The following KCTD8 variants were observed in gnomAD, a reference collection of about 807,000 sequenced individuals.
KCTD8 encodes BTB/POZ domain-containing protein KCTD8.
Under a neutral mutation model 31.5 loss-of-function variants are expected in KCTD8, and 27 were observed. The observed-to-expected ratio is 0.86, with a 90% CI of 0.63 to 1.18. KCTD8 has a LOEUF of 1.18. KCTD8 is among the 50% of genes most tolerant of loss of function. The pLI, the probability that KCTD8 is intolerant of heterozygous loss-of-function variation, is 0.00. For synonymous variants in KCTD8, 290 were observed against 280.0 expected (o/e 1.04, Z -0.36); for missense variants, 658 against 647.7 (o/e 1.02, Z -0.17).
rs553727105 is a variant in KCTD8, at chr4:44,262,157, C to T, written c.962-86907G>A. 3.9e-5 allele frequency among the ~76,000 whole-genome samples: 6 copies of T among 152,068 alleles called. No individual in the cohort carries two copies. The South Asian group carries it at 8.3e-4, about 21-fold the overall frequency. The stretch of plus-strand genomic sequence containing the variant: ...CAAGATTAACATATGAACAATTATC[C>T]ACTGGGTTTCACAATAAGAAAGTCA... On this transcript the variant is annotated intron_variant, in intron 1 of 1. Transcript: ENST00000360029.
chr4:44,212,749 A>G (rs1412602641), intron 1 of KCTD8, among the ~76,000 whole-genome samples: 1 of 152,188 alleles, frequency 6.6e-6, no homozygotes, highest in African/African-American at 2.4e-5. Flanking sequence ...TCTAGTAAAC[A>G]TTGTTTAGTT....
At chr4:44,436,590 T>C (rs1399152995) in intron 1 of KCTD8, among the ~76,000 whole-genome samples, 1 of 152,148 alleles carries the variant, frequency 6.6e-6, no homozygotes, top group Admixed American at 6.6e-5. Flanking sequence ...ATAGTGGTTA[T>C]GTTTTTAAAT....
Position 44,268,522 on chromosome 4 carries a change from C to T in KCTD8, c.962-93272G>A, listed in dbSNP as rs866480119. On this transcript the variant is annotated intron_variant, in intron 1 of 1. Transcript: ENST00000360029. ...CCTCTCTCACCACTCCTATTCAACA[C>T]AGTATTGGAAGTTCTGGCCAGGGCA... 9.2e-3 allele frequency among the ~76,000 whole-genome samples: 1,404 copies of T among 152,110 alleles called. 26 individuals carry two copies. The highest frequency in any genetic ancestry group is 0.032 in the African/African-American group (1,330 of 41,458).
chr4:44,263,108 G>A (rs969291708), intron 1 of KCTD8, among the ~76,000 whole-genome samples: 1 of 152,004 alleles, frequency 6.6e-6, no homozygotes, highest in African/African-American at 2.4e-5. Context: ...CTCTCCCACT[G>A]CAGCAACGGA....
intron 1 of KCTD8, among the ~76,000 whole-genome samples, chr4:44,319,044 T>A (rs1325624278): frequency 6.6e-6 from 1 of 152,178 alleles, no homozygotes. Flanking sequence ...GGCAGGACAT[T>A]GCAAAGGTTT....
intron 1 of KCTD8, among the ~76,000 whole-genome samples, chr4:44,418,093 A>C (rs1721120172): frequency 6.6e-6 from 1 of 152,180 alleles, no homozygotes; most frequent in Non-Finnish European, 1.5e-5. Context: ...CTTTCCAAAG[A>C]CTGTGTGAGG....
intron 1 of KCTD8, among the ~76,000 whole-genome samples, chr4:44,402,740 T>TG (rs1393373673): frequency 2.0e-5 from 3 of 152,200 alleles, no homozygotes; most frequent in African/African-American, 7.2e-5. Flanking sequence ...TCATATCAGC[T>TG]GGCACTGAAG....
intron 1 of KCTD8, among the ~76,000 whole-genome samples, chr4:44,223,554 T>C (rs945352819): frequency 6.6e-6 from 1 of 152,216 alleles, no homozygotes; most frequent in Non-Finnish European, 1.5e-5. Context: ...AAATATTTCA[T>C]TGAATATTTA....
intron 1 of KCTD8, among the ~76,000 whole-genome samples, chr4:44,379,805 T>C (rs1417195611): frequency 6.6e-6 from 1 of 152,150 alleles, no homozygotes; most frequent in East Asian, 1.9e-4. Flanking sequence ...TCTATCCTAT[T>C]GTATGACCAC....
chr4:44,422,241 A>G (rs1721229729), intron 1 of KCTD8, among the ~76,000 whole-genome samples: 2 of 152,124 alleles, frequency 1.3e-5, no homozygotes, highest in African/African-American at 4.8e-5. Context: ...TTGTTGTTAG[A>G]AAAAAGTTCT....
rs140238817 is a variant in KCTD8, at chr4:44,247,341, T to G, written c.962-72091A>C. ...TTAATCACTCCTAATAGTTCCAGCT[T>G]TGAATTATTTCCTAATTATTTTTCT... On this transcript the variant is annotated intron_variant, in intron 1 of 1. Transcript: ENST00000360029. Among the ~76,000 whole-genome samples the G allele has an allele frequency of 2.9e-4, 44 of 152,152 alleles. No individual in the cohort carries two copies. In the South Asian group the frequency reaches 5.6e-3, roughly 19 times the overall value.
At chr4:44,421,697 T>C (rs967320272) in intron 1 of KCTD8, among the ~76,000 whole-genome samples, 2 of 152,090 alleles carry the variant, frequency 1.3e-5, no homozygotes, top group South Asian at 2.1e-4. Context: ...ATATGCACCA[T>C]AGGGGTATCA....
chr4:44,192,771 AC>A (rs1560390932), intron 1 of KCTD8, among the ~76,000 whole-genome samples: 1 of 152,090 alleles, frequency 6.6e-6, no homozygotes. Context: ...AGGTACACCC[AC>A]CCACAATCCA....
intron 1 of KCTD8, among the ~76,000 whole-genome samples, chr4:44,318,156 A>G (rs1718192709): frequency 6.6e-6 from 1 of 152,180 alleles, no homozygotes; most frequent in Non-Finnish European, 1.5e-5. Context: ...TATTCCAATT[A>G]TCACATAAAC....
chr4:44,262,828 T>C (rs947993673), intron 1 of KCTD8, among the ~76,000 whole-genome samples: 7 of 152,164 alleles, frequency 4.6e-5, no homozygotes, highest in African/African-American at 1.2e-4. Flanking sequence ...TTACTCCCCA[T>C]TGAATAATGT....
At position 44,438,992 on chromosome 4, in the gene KCTD8, C is replaced by T. The variant is rs193174037; in HGVS notation, c.961+8571G>A. Among the ~76,000 whole-genome samples, 40 of 152,286 alleles carry T rather than the reference C, an allele frequency of 2.6e-4. No homozygotes were observed. In the East Asian group the frequency reaches 7.1e-3, roughly 27 times the overall value. ...AAATTATTTTCCCAAGATCTTAAAG[C>T]TACAGCCAGAATTTTTCAAGGTATC... On this transcript the variant is annotated intron_variant, in intron 1 of 1. Transcript: ENST00000360029.
intron 1 of KCTD8, among the ~76,000 whole-genome samples, chr4:44,423,298 C>G (rs531592616): frequency 3.3e-5 from 5 of 152,116 alleles, no homozygotes; most frequent in African/African-American, 9.6e-5. Flanking sequence ...TCAGTAAATA[C>G]CCATTACACA....
chr4:44,393,606 T>A (rs909031559), intron 1 of KCTD8, among the ~76,000 whole-genome samples: 1 of 151,404 alleles, frequency 6.6e-6, no homozygotes, highest in Non-Finnish European at 1.5e-5. Context: ...CAATAAGAAA[T>A]TCAAATGAGC....
intron 1 of KCTD8, among the ~76,000 whole-genome samples, chr4:44,244,287 C>T (rs1715588687): frequency 6.6e-6 from 1 of 151,968 alleles, no homozygotes; most frequent in Non-Finnish European, 1.5e-5. Flanking sequence ...ATTTATAGAG[C>T]CCAATTTTTT....
Sources: allele counts gnomAD v4.1 joint callset (sites outside exome capture counted in the v4.1 genomes callset), GRCh38; gene constraint gnomAD v4.1.1; transcripts MANE v1.5; gene names NCBI Gene and HGNC (gene_info 2026-07-23, HGNC 2026-07-21).